NKD1: variants seen among roughly 807,000 people sequenced by gnomAD.
NKD1 encodes the protein NKD inhibitor of Wnt signaling pathway 1.
NKD1 carries 21 observed loss-of-function variants against 56.0 expected under a neutral mutation model. That is an observed-to-expected ratio of 0.38 (90% CI 0.27 to 0.54). The LOEUF is 0.54. Ranked by LOEUF, NKD1 falls within the 20% of genes least tolerant of loss-of-function variation. The pLI is 0.82. For synonymous variants in NKD1, 263 were observed against 265.7 expected, an observed-to-expected ratio of 0.99 and a Z score of 0.10; for missense variants, 578 against 642.7, an observed-to-expected ratio of 0.90 and a Z score of 1.09.
At chr16:50,575,652 C>T (rs1359318797) in intron 3 of NKD1, among the ~76,000 whole-genome samples, 5 of 152,170 alleles carry the variant, frequency 3.3e-5, no homozygotes, top group Admixed American at 1.3e-4. Context: ...TGGCCAGTGA[C>T]CTTTACACAT....
chr16:50,626,789 C>A (rs1371313695), intron 6 of NKD1, among the ~76,000 whole-genome samples: 1 of 152,220 alleles, frequency 6.6e-6, no homozygotes, highest in Admixed American at 6.5e-5. Context: ...TCTTCAGGCA[C>A]GAGACCTGTT....
At chr16:50,628,714 A>G (rs1962277113) in intron 6 of NKD1, among the ~76,000 whole-genome samples, 1 of 152,202 alleles carries the variant, frequency 6.6e-6, no homozygotes, top group Admixed American at 6.5e-5. Flanking sequence ...AGATTTGGTC[A>G]AGTTCTCACA....
chr16:50,630,813 G>A lies in NKD1; in HGVS notation c.611-13G>A. 1.9e-6 allele frequency: 3 copies of A among 1,582,270 alleles called. No individual in the cohort carries two copies. The highest frequency in any genetic ancestry group is 2.6e-6 in the Non-Finnish European group (3 of 1,164,992). On this transcript the variant is annotated splice_polypyrimidine_tract_variant and intron_variant, in intron 7 of 9. Coordinates refer to ENST00000268459, the MANE Select transcript of NKD1 (RefSeq NM_033119.5). ...TCACCTGGTGTCTCCTGTGCTTCTC[G>A]GGCCGGACTCAGACCTGCAGAGCGC...
At chr16:50,576,499 T>C (rs1483219602) in intron 3 of NKD1, among the ~76,000 whole-genome samples, 2 of 152,212 alleles carry the variant, frequency 1.3e-5, no homozygotes, top group Non-Finnish European at 2.9e-5. Context: ...GTTATGTTTC[T>C]GATTATCCTT....
At position 50,636,831 on chromosome 16, in the gene NKD1, A is replaced by G. The variant is rs1962478007; in HGVS notation, c.*3050A>G. On this transcript the variant is annotated 3_prime_UTR_variant, in exon 10 of 10. Coordinates refer to ENST00000268459, the MANE Select transcript of NKD1 (RefSeq NM_033119.5). The stretch of plus-strand genomic sequence containing the variant: ...TGAACTTACCACCCAGAATTTACAA[A>G]TGCTGACATTTTGCAATATTTATTT... 1 of 152,240 alleles carries G rather than the reference A, an allele frequency of 6.6e-6. No individual in the cohort carries two copies. The highest frequency in any genetic ancestry group is 2.1e-4 in the South Asian group (1 of 4,832). 9.4% of individuals were successfully genotyped at this position (152,240 alleles called of 1,614,324 possible).
chr16:50,630,455 G>A, intron 7 of NKD1, 122 bp downstream of exon 7: 2 of 1,090,576 alleles, frequency 1.8e-6, no homozygotes, highest in Non-Finnish European at 2.6e-6. Flanking sequence ...TTGTGGACAG[G>A]TGGGGTTCAA....
In NKD1 at chr16:50,633,582, G is replaced by T. The variant is rs368251589; in HGVS notation, c.1214G>T (p.Arg405Leu). The T allele has an allele frequency of 1.2e-6, 2 of 1,610,892 alleles. No homozygotes were observed. Among genetic ancestry groups the T allele is most frequent in the Admixed American group, 1.7e-5 (1 of 59,832 alleles). ...CTCGGGCACAAGAAGCACAAGCACC[G>T]AGCCAAGGAGAGCCAGCAGGGCTGC... Reference protein sequence around the residue: ...APLGHKKHKHRAKESQQGCRG... With the variant: ...APLGHKKHKHLAKESQQGCRG... Residue 405 changes from arginine to leucine, a missense_variant, in exon 10 of 10, where the codon CGA becomes CTA. Coordinates refer to ENST00000268459, the MANE Select transcript of NKD1 (RefSeq NM_033119.5). The surrounding 1 kb of genome is among the most constrained non-coding windows in gnomAD (Gnocchi z 4.9).
At chr16:50,574,696 G>T (rs1960956050) in intron 3 of NKD1, 1 of 985,334 alleles carries the variant, frequency 1.0e-6, no homozygotes, top group Non-Finnish European at 1.2e-6. Flanking sequence ...GTCGTCCCAG[G>T]CAGAGGCCCT....
chr16:50,631,686 A>G (rs1298753872), intron 8 of NKD1, among the ~76,000 whole-genome samples: 1 of 152,152 alleles, frequency 6.6e-6, no homozygotes, highest in Non-Finnish European at 1.5e-5. Flanking sequence ...TCCTTGGAGG[A>G]GAGGGCTAGG....
In NKD1 at chr16:50,549,266, G is replaced by A. The variant is rs1352341471; in HGVS notation, c.59-156G>A. Among the ~76,000 whole-genome samples, 16 of 150,542 alleles carry A rather than the reference G, an allele frequency of 1.1e-4. No individual in the cohort carries two copies. The East Asian group carries it at 2.8e-3, about 26-fold the overall frequency. ...TCGCTGAACCCCCCTTTACTTACCC[G>A]CGTCCCTCTCTTGGCTCCTGCCCCA... On this transcript the variant is annotated intron_variant, in intron 2 of 9. Transcript: ENST00000268459.
At chr16:50,552,582 A>G (rs1220588869) in intron 3 of NKD1, 1 of 152,228 alleles carries the variant, frequency 6.6e-6, no homozygotes, top group Non-Finnish European at 1.5e-5. Context: ...TGCCCTCTTA[A>G]ATACAGAAAT....
At chr16:50,560,823 C>CATCTTTCT (rs1555487412) in intron 3 of NKD1, among the ~76,000 whole-genome samples, 1 of 148,546 alleles carries the variant, frequency 6.7e-6, no homozygotes, top group Non-Finnish European at 1.5e-5. Flanking sequence ...TACCCAAACC[C>CATCTTTCT]ATCTATCTAT....
chr16:50,565,131 T>G lies in NKD1; in HGVS notation c.192+15576T>G, dbSNP rs193282300. Among the ~76,000 whole-genome samples, 394 of 152,324 alleles carry G rather than the reference T, an allele frequency of 2.6e-3. 2 individuals carry two copies. Among genetic ancestry groups the G allele is most frequent in the African/African-American group, 8.8e-3 (365 of 41,566 alleles). ...TGGCTCATGCCTGTAATCCCAGCAC[T>G]TTGGGAGGCCAAGGTGGGCGGATCA... is the stretch of plus-strand genomic sequence containing the variant. On this transcript the variant is annotated intron_variant, in intron 3 of 9. Coordinates refer to ENST00000268459, the MANE Select transcript of NKD1 (RefSeq NM_033119.5).
intron 1 of NKD1, 36 bp from the exon 2 acceptor site, chr16:50,548,669 CGCCGCCGCGGCT>C (rs1218884992): frequency 1.3e-5 from 19 of 1,465,466 alleles, no homozygotes; most frequent in South Asian, 2.6e-5. Flanking sequence ...TTCCTTCTCC[CGCCGCCGCGGCT>C]GCCGCCGCCG....
chr16:50,601,890 G>T (rs1275259809), intron 3 of NKD1, among the ~76,000 whole-genome samples: 1 of 152,174 alleles, frequency 6.6e-6, no homozygotes, highest in Non-Finnish European at 1.5e-5. Flanking sequence ...GCAAGGAGGG[G>T]CGGGTCTGTT....
At chr16:50,583,635 C>A (rs1195749616) in intron 3 of NKD1, among the ~76,000 whole-genome samples, 1 of 152,134 alleles carries the variant, frequency 6.6e-6, no homozygotes, top group Non-Finnish European at 1.5e-5. Context: ...TTTTTTTACA[C>A]AATGATGGAT....
At chr16:50,609,928 A>G (rs1191115919) in intron 4 of NKD1, among the ~76,000 whole-genome samples, 1 of 152,260 alleles carries the variant, frequency 6.6e-6, no homozygotes, top group Non-Finnish European at 1.5e-5. Context: ...AGGGTACCAC[A>G]TATGCATATG....
intron 3 of NKD1, chr16:50,574,591 C>T (rs1394405135): frequency 1.0e-6 from 1 of 985,322 alleles, no homozygotes; most frequent in Non-Finnish European, 1.2e-6. Context: ...TCATTAGCAG[C>T]TGGCCTCGCA....
chr16:50,579,210 A>G (rs1404403683), intron 3 of NKD1, among the ~76,000 whole-genome samples: 2 of 149,334 alleles, frequency 1.3e-5, no homozygotes, highest in African/African-American at 5.0e-5. Context: ...CTACACACGC[A>G]CTCTAACCCG....
Sources: gnomAD v4.1 joint callset for allele counts (sites outside exome capture counted in the v4.1 genomes callset) on GRCh38, gnomAD v4.1.1 for gene constraint, Gnocchi (gnomAD v3.1) non-coding constraint, MANE v1.5 for transcripts, NCBI Gene and HGNC (gene_info 2026-07-23, HGNC 2026-07-21) for gene names.